Variants in NECTIN2 observed in about 807,000 individuals in gnomAD.
NECTIN2 encodes the protein nectin cell adhesion molecule 2, also known as nectin-2.
In NECTIN2, 23 loss-of-function variants were observed where a neutral mutation model predicts 56.9. That is an observed-to-expected ratio of 0.40 (90% CI 0.29 to 0.57). The LOEUF (loss-of-function observed/expected upper bound fraction) is 0.57, where lower values mean the gene tolerates loss of function less well. Among genes scored for constraint, NECTIN2 ranks in the 20% least tolerant of loss-of-function variants. The probability of loss-of-function intolerance (pLI) is 0.38; values close to 1 mark genes in which losing one functional copy is unlikely to be tolerated. For synonymous variants in NECTIN2, 302 were observed against 313.8 expected, an observed-to-expected ratio of 0.96 and a Z score of 0.40; for missense variants, 587 against 718.3, an observed-to-expected ratio of 0.82 and a Z score of 2.09.
intron 1 of NECTIN2, among the ~76,000 whole-genome samples, chr19:44,859,423 C>T (rs114824025): frequency 6.6e-6 from 1 of 152,254 alleles, no homozygotes; most frequent in African/African-American, 2.4e-5. Context: ...TGCACAAGGT[C>T]GCAGAGCCAG....
At chr19:44,862,110 T>C (rs759036727) in intron 1 of NECTIN2, among the ~76,000 whole-genome samples, 1 of 152,166 alleles carries the variant, frequency 6.6e-6, no homozygotes, top group Non-Finnish European at 1.5e-5. Flanking sequence ...CCATCATGGA[T>C]AGACTGGATA....
intron 1 of NECTIN2, among the ~76,000 whole-genome samples, chr19:44,858,695 T>G (rs989225983): frequency 6.6e-6 from 1 of 151,794 alleles, no homozygotes; most frequent in Non-Finnish European, 1.5e-5. Flanking sequence ...CAGGCTGGAG[T>G]GCAGTGGTAT....
chr19:44,870,019 G>A (rs11879589), intron 2 of NECTIN2, among the ~76,000 whole-genome samples: 21,749 of 152,130 alleles, frequency 0.14, 1,901 homozygotes, highest in African/African-American at 0.24. Context: ...GCAGAAGTAA[G>A]GAACAAAACA....
chr19:44,850,972 A>G (rs772122077), intron 1 of NECTIN2, among the ~76,000 whole-genome samples: 1 of 152,078 alleles, frequency 6.6e-6, no homozygotes, highest in Admixed American at 6.6e-5. Flanking sequence ...CCAGCCAGGC[A>G]GGAGTCCAGG....
rs1250684336 is a variant in NECTIN2, at chr19:44,865,559, C to G, written c.377C>G (p.Ala126Gly). Reference sequence around the variant, plus strand: ...GCAGAGCTCCAGGACGCCACGCTGGCCCTCCACGGGCTCACGGTGGAGGAC... The same window carrying G: ...GCAGAGCTCCAGGACGCCACGCTGGGCCTCCACGGGCTCACGGTGGAGGAC... ...TEAELQDATL[A>G]LHGLTVEDEG... The change falls in exon 2 of 9, where the codon GCC becomes GGC. Residue 126 changes from alanine to glycine, a missense_variant. Transcript: ENST00000252483. The surrounding 1 kb of genome is among the most constrained non-coding windows in gnomAD (Gnocchi z 5.2). 1.9e-6 allele frequency: 3 copies of G among 1,560,844 alleles called. No individual in the cohort carries two copies.
chr19:44,849,162 G>C (rs7255063), intron 1 of NECTIN2, among the ~76,000 whole-genome samples: 48,356 of 151,900 alleles, frequency 0.32, 8,646 homozygotes, highest in South Asian at 0.41. Context: ...AGAGACACGT[G>C]TAGGAATGGA....
Position 44,865,264 on chromosome 19 carries a change from T to C in NECTIN2, c.89-7T>C, listed in dbSNP as rs776776862. On this transcript the variant is annotated splice_region_variant and splice_polypyrimidine_tract_variant and intron_variant, in intron 1 of 8. Coordinates refer to ENST00000252483, the MANE Select transcript of NECTIN2 (RefSeq NM_001042724.2). The surrounding 1 kb of genome is among the most constrained non-coding windows in gnomAD (Gnocchi z 5.2). ...CGACTACTTCACTCTCTGTCCTCTCTGCCCAGGAGCCCAGGATGTGCGAGT... is the reference window on the plus strand; with the variant it reads ...CGACTACTTCACTCTCTGTCCTCTCCGCCCAGGAGCCCAGGATGTGCGAGT... 2 of 1,603,368 alleles carry C rather than the reference T, an allele frequency of 1.2e-6. No individual in the cohort carries two copies. The highest frequency in any genetic ancestry group is 1.7e-6 in the Non-Finnish European group (2 of 1,173,192).
chr19:44,878,494 G>A (rs758549481), intron 5 of NECTIN2: 13 of 1,496,598 alleles, frequency 8.7e-6, no homozygotes, highest in African/African-American at 1.4e-5. Flanking sequence ...GCAAGGATGA[G>A]GAGGAGGAGG....
intron 1 of NECTIN2, among the ~76,000 whole-genome samples, chr19:44,859,841 A>C (rs1300087970): frequency 1.4e-5 from 2 of 147,514 alleles, no homozygotes; most frequent in African/African-American, 5.0e-5. Flanking sequence ...AAAAAAAAAA[A>C]GGTGAGAAAC....
chr19:44,878,297 C>T (rs970001335), intron 5 of NECTIN2: 10 of 1,396,954 alleles, frequency 7.2e-6, no homozygotes, highest in Admixed American at 2.0e-5. Context: ...GCTGGTGCTG[C>T]TGCTTCTGGC....
chr19:44,870,292 T>C (rs560748116), intron 2 of NECTIN2, among the ~76,000 whole-genome samples: 2 of 152,212 alleles, frequency 1.3e-5, no homozygotes, highest in South Asian at 4.2e-4. Context: ...GTCACTATTC[T>C]AACAGCTTGG....
At chr19:44,871,554 T>G (rs1456425830) in intron 2 of NECTIN2, among the ~76,000 whole-genome samples, 2 of 151,976 alleles carry the variant, frequency 1.3e-5, no homozygotes, top group Admixed American at 1.3e-4. Context: ...TAAAATAAAA[T>G]GGGCAACACT....
intron 1 of NECTIN2, among the ~76,000 whole-genome samples, chr19:44,860,503 G>C (rs1254850879): frequency 6.6e-6 from 1 of 151,966 alleles, no homozygotes; most frequent in Non-Finnish European, 1.5e-5. Context: ...GTGAGATCCT[G>C]TCTCAAAAAA....
At chr19:44,870,281 A>G (rs527568571) in intron 2 of NECTIN2, among the ~76,000 whole-genome samples, 1 of 152,210 alleles carries the variant, frequency 6.6e-6, no homozygotes, top group African/African-American at 2.4e-5. Context: ...TCGGGCCCTG[A>G]GTCACTATTC....
chr19:44,878,275 G>C lies in NECTIN2; in HGVS notation c.1042+3797G>C. 3.5e-6 allele frequency: 4 copies of C among 1,151,256 alleles called. No individual in the cohort carries two copies. In the East Asian group the frequency reaches 7.7e-5, roughly 22 times the overall value. 71.3% of individuals were successfully genotyped at this position (1,151,256 alleles called of 1,614,324 possible). A position where few individuals can be genotyped will look rare whatever the true frequency, so the allele number is the denominator to read the frequency against. ...TGGGCCCGCTGGTGTGGGGGGCCGT[G>C]GGGGGGACACTGCTGGTGCTGCTGC... On this transcript the variant is annotated intron_variant, in intron 5 of 8. Transcript: ENST00000252483.
At chr19:44,878,437 C>T in intron 5 of NECTIN2, 3 of 1,589,594 alleles carry the variant, frequency 1.9e-6, no homozygotes, top group Non-Finnish European at 1.7e-6. Flanking sequence ...GAAATGGGGA[C>T]CCCGTCTTCT....
intron 1 of NECTIN2, among the ~76,000 whole-genome samples, chr19:44,850,750 A>C (rs1968890027): frequency 6.6e-6 from 1 of 151,978 alleles, no homozygotes; most frequent in African/African-American, 2.4e-5. Context: ...GCCGCTGCTC[A>C]CTCCCTGAAC....
chr19:44,846,671 G>T, intron 1 of NECTIN2, 58 bp downstream of exon 1: 3 of 1,481,772 alleles, frequency 2.0e-6, no homozygotes, highest in Non-Finnish European at 2.7e-6. Context: ...CTTACCTTCC[G>T]AGCTGGGGAA....
chr19:44,888,518 G>A lies in NECTIN2; in HGVS notation c.*139G>A. Reference sequence around the variant, plus strand: ...TCCATTTGTGATGTCTACCTTGGTGGCTCCACTATGACCCCTAACCCATGA... The same window carrying A: ...TCCATTTGTGATGTCTACCTTGGTGACTCCACTATGACCCCTAACCCATGA... On this transcript the variant is annotated 3_prime_UTR_variant, in exon 9 of 9. Coordinates refer to ENST00000252483, the MANE Select transcript of NECTIN2 (RefSeq NM_001042724.2). 1 of 930,630 alleles carries A rather than the reference G, an allele frequency of 1.1e-6. No individual in the cohort carries two copies. Among genetic ancestry groups the A allele is most frequent in the Non-Finnish European group, 1.6e-6 (1 of 623,108 alleles). The allele number at this position is 930,630 out of a possible 1,614,324, so 57.6% of individuals were successfully genotyped here.
Sources: gnomAD v4.1 joint callset for allele counts (sites outside exome capture counted in the v4.1 genomes callset) on GRCh38, gnomAD v4.1.1 for gene constraint, Gnocchi (gnomAD v3.1) non-coding constraint, MANE v1.5 for transcripts, NCBI Gene and HGNC (gene_info 2026-07-23, HGNC 2026-07-21) for gene names.